Variants in NECTIN3 observed in about 807,000 individuals in gnomAD.
NECTIN3 encodes the protein nectin cell adhesion molecule 3, also known as nectin-3.
In NECTIN3, 8 loss-of-function variants were observed where a neutral mutation model predicts 49.4. That is an observed-to-expected ratio of 0.16 (90% confidence interval 0.10 to 0.29). The LOEUF (loss-of-function observed/expected upper bound fraction) is 0.29, where lower values mean the gene tolerates loss of function less well. NECTIN3 is among the 10% of genes least tolerant of loss of function. NECTIN3 has a pLI of 1.00. For missense variants in NECTIN3, 581 were observed against 654.6 expected, an observed-to-expected ratio of 0.89 and a Z score of 1.23; for synonymous variants, 277 against 241.1, an observed-to-expected ratio of 1.15 and a Z score of -1.38.
Position 111,072,367 on chromosome 3 carries a change from G to C in NECTIN3, c.160+190G>C, listed in dbSNP as rs1014475899. 4 of 1,482,958 alleles carry C rather than the reference G, an allele frequency of 2.7e-6. No individual in the cohort carries two copies. In the Admixed American group the frequency reaches 9.1e-5, roughly 34 times the overall value. The allele number at this position is 1,482,958 out of a possible 1,614,324, so 91.9% of individuals were successfully genotyped here. A position where few individuals can be genotyped will look rare whatever the true frequency, so the allele number is the denominator to read the frequency against. On this transcript the variant is annotated intron_variant, in intron 1 of 5. Coordinates refer to ENST00000485303, the MANE Select transcript of NECTIN3 (RefSeq NM_015480.3). Reference sequence around the variant, plus strand: ...CCCTGGAAGGGCCAGGCCAGCGAATGCTGAGCCGGCGGCCCGCTGCCCTCC... The same window carrying C: ...CCCTGGAAGGGCCAGGCCAGCGAATCCTGAGCCGGCGGCCCGCTGCCCTCC...
chr3:111,116,425 T>C (rs1337143901), intron 2 of NECTIN3, among the ~76,000 whole-genome samples: 2 of 152,156 alleles, frequency 1.3e-5, no homozygotes, highest in Non-Finnish European at 2.9e-5. Context: ...ACAAATACTG[T>C]AACACATTAG....
intron 7 of NECTIN3, among the ~76,000 whole-genome samples, chr3:111,171,696 G>T (rs573534711): frequency 1.3e-5 from 2 of 150,794 alleles, no homozygotes; most frequent in South Asian, 4.2e-4. Flanking sequence ...TGCACATGTG[G>T]GTGGGACCTC....
rs147379286 is a variant in NECTIN3 at position 111,160,011 on chromosome 3, C to G, written c.1221+12527C>G. Among the ~76,000 whole-genome samples, 373 of 152,256 alleles carry G rather than the reference C, an allele frequency of 2.4e-3. 2 individuals carry two copies. The highest frequency in any genetic ancestry group is 8.5e-3 in the African/African-American group (352 of 41,558). Reference sequence around the variant, plus strand: ...TTTCTTTAAACCAGCTTGAGTACTCCCATTGTTTTTAACCATTCCTTATAT... The same window carrying G: ...TTTCTTTAAACCAGCTTGAGTACTCGCATTGTTTTTAACCATTCCTTATAT... On this transcript the variant is annotated intron_variant, in intron 7 of 8. Transcript: ENST00000493615.
At chr3:111,162,844 G>A (rs1048040621) in intron 7 of NECTIN3, among the ~76,000 whole-genome samples, 11 of 152,082 alleles carry the variant, frequency 7.2e-5, no homozygotes, top group African/African-American at 2.2e-4. Context: ...ACATCTGCCC[G>A]TAGCCTGGCC....
chr3:111,136,008 G>A lies in NECTIN3; in HGVS notation c.*1793G>A. 1.0e-6 allele frequency: 1 copy of A among 967,412 alleles called. No individual in the cohort carries two copies. The highest frequency in any genetic ancestry group is 1.2e-6 in the Non-Finnish European group (1 of 813,882). 59.9% of individuals were successfully genotyped at this position (967,412 alleles called of 1,614,324 possible). ...TATATACAAATATTACAACTTTTTA[G>A]TGCAAGTTTTTGGAAGAAAACTTTT... is the stretch of plus-strand genomic sequence containing the variant. On this transcript the variant is annotated 3_prime_UTR_variant, in exon 6 of 6. Coordinates refer to ENST00000485303, the MANE Select transcript of NECTIN3 (RefSeq NM_015480.3).
chr3:111,150,195 T>A (rs1259422093), intron 7 of NECTIN3, among the ~76,000 whole-genome samples: 2 of 152,048 alleles, frequency 1.3e-5, no homozygotes. Flanking sequence ...ATAATAGTAA[T>A]TTCAGTCTAG....
chr3:111,190,993 T>C (rs141609226), upstream of NECTIN3, among the ~76,000 whole-genome samples: 377 of 152,296 alleles, frequency 2.5e-3, no homozygotes, highest in African/African-American at 8.5e-3. Flanking sequence ...ATAAGTAGAA[T>C]TTCTACTCCC....
chr3:111,096,389 T>C (rs1289136733), intron 1 of NECTIN3, among the ~76,000 whole-genome samples: 1 of 152,202 alleles, frequency 6.6e-6, no homozygotes, highest in East Asian at 1.9e-4. Flanking sequence ...CATGCAAGTT[T>C]GGAAAATTTG....
At chr3:111,100,809 G>A (rs541610801) in intron 1 of NECTIN3, among the ~76,000 whole-genome samples, 1 of 152,098 alleles carries the variant, frequency 6.6e-6, no homozygotes, top group African/African-American at 2.4e-5. Flanking sequence ...GGAAAGAGTA[G>A]AATCTGAATA....
chr3:111,122,089 G>A, intron 3 of NECTIN3, 32 bp from the exon 4 acceptor site: 2 of 1,367,794 alleles, frequency 1.5e-6, no homozygotes, highest in Non-Finnish European at 2.1e-6. Context: ...TTAACAAAAG[G>A]TAATCTGTCC....
intron 1 of NECTIN3, among the ~76,000 whole-genome samples, chr3:111,081,518 C>T (rs947826736): frequency 1.3e-5 from 2 of 152,134 alleles, no homozygotes; most frequent in African/African-American, 4.8e-5. Flanking sequence ...ATAATACTTT[C>T]TTCACAGAAT....
chr3:111,143,194 T>C (rs1434289097), intron 5 of NECTIN3, among the ~76,000 whole-genome samples: 5 of 151,908 alleles, frequency 3.3e-5, no homozygotes, highest in Non-Finnish European at 7.4e-5. Flanking sequence ...TATTTGGCTG[T>C]ACTGGGTTTC....
chr3:111,073,050 C>G (rs924326968), intron 1 of NECTIN3: 39 of 143,796 alleles, frequency 2.7e-4, no homozygotes, highest in African/African-American at 9.9e-4. Context: ...AAAAAAAAGT[C>G]TGCCTCATGC....
At chr3:111,147,404 A>ATTG (rs1378906991) in exon 7 of NECTIN3, 14 of 1,526,350 alleles carry the variant, frequency 9.2e-6, no homozygotes. Context: ...GCAATGCAGG[A>ATTG]TTGACCTTCC....
intron 7 of NECTIN3, among the ~76,000 whole-genome samples, chr3:111,163,977 GA>G (rs760898538): frequency 0.022 from 2,130 of 96,494 alleles, 19 homozygotes; most frequent in African/African-American, 0.047. Flanking sequence ...AAGTAAATCT[GA>G]AAAAAAAAAA....
intron 2 of NECTIN3, among the ~76,000 whole-genome samples, chr3:111,113,103 G>A (rs772994191): frequency 1.1e-4 from 16 of 152,204 alleles, no homozygotes; most frequent in Non-Finnish European, 1.6e-4. Context: ...GCGTCCAGCT[G>A]TTAGGTCCTT....
chr3:111,172,493 T>A (rs1425082423), intron 7 of NECTIN3, among the ~76,000 whole-genome samples: 1 of 152,194 alleles, frequency 6.6e-6, no homozygotes, highest in Non-Finnish European at 1.5e-5. Flanking sequence ...TTAACTCAGA[T>A]TCTTTATGTG....
rs116048677 is a variant in NECTIN3 at position 111,075,479 on chromosome 3, T to C, written c.160+3302T>C. ...TGATGGAGATCTTGTGAGAATTAAA[T>C]GACAGAATAGAATAAAACAATTAGA... is the stretch of plus-strand genomic sequence containing the variant. On this transcript the variant is annotated intron_variant, in intron 1 of 5. Transcript: ENST00000485303. Among the ~76,000 whole-genome samples, 306 of 152,192 alleles carry C rather than the reference T, an allele frequency of 2.0e-3. 2 individuals carry two copies. The highest frequency in any genetic ancestry group is 7.1e-3 in the African/African-American group (295 of 41,560).
At chr3:111,119,863 A>G (rs937199562) in intron 3 of NECTIN3, among the ~76,000 whole-genome samples, 2 of 152,144 alleles carry the variant, frequency 1.3e-5, no homozygotes, top group African/African-American at 2.4e-5. Flanking sequence ...AGGGAGTTCT[A>G]TTCTTTGTTG....
Sources: gnomAD v4.1 joint callset for allele counts (sites outside exome capture counted in the v4.1 genomes callset) on GRCh38, gnomAD v4.1.1 for gene constraint, MANE v1.5 for transcripts, NCBI Gene and HGNC (gene_info 2026-07-23, HGNC 2026-07-21) for gene names.